NINJ2: variants seen among roughly 807,000 people sequenced by gnomAD.
The protein encoded by NINJ2 is ninjurin 2.
Under a neutral mutation model 11.7 loss-of-function variants are expected in NINJ2, and 12 were observed. The ratio of observed to expected loss-of-function variants is 1.02; its 90% CI spans 0.66 to 1.66. The LOEUF (loss-of-function observed/expected upper bound fraction) is 1.66. Among genes scored for constraint, NINJ2 ranks in the 40% most tolerant of loss-of-function variants. NINJ2 has a pLI of 0.00. For missense variants in NINJ2, 187 were observed against 181.8 expected (o/e 1.03, Z -0.16); for synonymous variants, 93 against 76.8 (o/e 1.21, Z -1.10).
At chr12:648,612 C>G (rs1055355935) in intron 1 of NINJ2, among the ~76,000 whole-genome samples, 2 of 152,182 alleles carry the variant, frequency 1.3e-5, no homozygotes, top group East Asian at 3.8e-4. Flanking sequence ...CAGGAAAGGC[C>G]TGGACAAGGA....
At chr12:603,264 ATTAT>A (rs982669874) in intron 1 of NINJ2, among the ~76,000 whole-genome samples, 20 of 151,016 alleles carry the variant, frequency 1.3e-4, no homozygotes, top group Admixed American at 7.2e-4. Context: ...CTAAAATTTG[ATTAT>A]TTGTCTTTTT....
chr12:643,341 T>G, intron 1 of NINJ2: 3 of 684,466 alleles, frequency 4.4e-6, no homozygotes, highest in Non-Finnish European at 3.6e-6. Flanking sequence ...CCGCGCCGGG[T>G]GGGGAGGGGA....
Position 656,496 on chromosome 12 carries a change from A to ACCCTACC in NINJ2, c.33+6831_33+6832insGGTAGGG, listed in dbSNP as rs577294205. 3.3e-3 allele frequency among the ~76,000 whole-genome samples: 496 copies of ACCCTACC among 152,236 alleles called. 16 individuals are homozygous for ACCCTACC. Among genetic ancestry groups the ACCCTACC allele is most frequent in the East Asian group, 0.032 (165 of 5,178 alleles). ...CCAGGCATGGTGGCTCACACCTGTA[A>ACCCTACC]TCCCAGCACTTTGGGAGGTAGGGTC... On this transcript the variant is annotated intron_variant, in intron 1 of 3. Transcript: ENST00000305108.
intron 1 of NINJ2, among the ~76,000 whole-genome samples, chr12:630,146 C>T (rs1308942239): frequency 6.6e-6 from 1 of 151,560 alleles, no homozygotes; most frequent in Non-Finnish European, 1.5e-5. Flanking sequence ...TTTACCAAAC[C>T]GCTCTTAGGT....
At chr12:627,212 T>G (rs77311665) in intron 1 of NINJ2, among the ~76,000 whole-genome samples, 1 of 152,168 alleles carries the variant, frequency 6.6e-6, no homozygotes, top group East Asian at 1.9e-4. Flanking sequence ...AAGCAATATA[T>G]GGCAATAAGG....
At chr12:589,251 T>A (rs531473242) in intron 1 of NINJ2, among the ~76,000 whole-genome samples, 3 of 152,074 alleles carry the variant, frequency 2.0e-5, no homozygotes, top group Admixed American at 2.0e-4. Flanking sequence ...TAAAAAACAA[T>A]GGACAAAATG....
At chr12:644,113 A>G (rs971654089) in intron 1 of NINJ2, 3 of 154,890 alleles carry the variant, frequency 1.9e-5, no homozygotes, top group Middle Eastern at 5.1e-4. Context: ...GTAAGGCAAG[A>G]AGGAAAACCG....
At chr12:611,247 C>G (rs1350942501) in intron 1 of NINJ2, among the ~76,000 whole-genome samples, 2 of 102,718 alleles carry the variant, frequency 1.9e-5, no homozygotes, top group Non-Finnish European at 4.2e-5. Flanking sequence ...TTCTTTCTTT[C>G]TCTCTCTCTC....
At chr12:601,280 C>T (rs1183486613) in intron 1 of NINJ2, among the ~76,000 whole-genome samples, 6 of 152,222 alleles carry the variant, frequency 3.9e-5, no homozygotes, top group Non-Finnish European at 7.3e-5. Flanking sequence ...GGCGCAGTGG[C>T]TCACGCCTGT....
chr12:630,939 TA>T (rs1948273920), intron 1 of NINJ2: 1 of 152,158 alleles, frequency 6.6e-6, no homozygotes, highest in African/African-American at 2.4e-5. Flanking sequence ...AAGTACGTGC[TA>T]GGATCAAGGG....
At position 634,143 on chromosome 12, in the gene NINJ2, C is replaced by T. The variant is rs565573196; in HGVS notation, c.33+29185G>A. Among the ~76,000 whole-genome samples the T allele has an allele frequency of 3.3e-5, 5 of 152,146 alleles. No homozygotes were observed. The South Asian group carries it at 6.2e-4, about 19-fold the overall frequency. On this transcript the variant is annotated intron_variant, in intron 1 of 3. Coordinates refer to ENST00000305108, the MANE Select transcript of NINJ2 (RefSeq NM_016533.6). ...CCTTCTCCAAGTAATTACCAAGTCA[C>T]GCCTTGATATATATACCTCCCCCAA...
intron 1 of NINJ2, among the ~76,000 whole-genome samples, chr12:649,258 A>G (rs986088817): frequency 2.6e-5 from 4 of 151,652 alleles, no homozygotes; most frequent in African/African-American, 4.8e-5. Context: ...TGTTGGCCAG[A>G]CTGGTCTCAA....
chr12:600,650 TGG>T (rs979689256), intron 1 of NINJ2, among the ~76,000 whole-genome samples: 11 of 128,238 alleles, frequency 8.6e-5, no homozygotes, highest in South Asian at 5.4e-4. Flanking sequence ...AGAATTTTTT[TGG>T]GGTGTGTGTG....
intron 1 of NINJ2, among the ~76,000 whole-genome samples, chr12:606,905 G>A (rs147136812): frequency 6.6e-6 from 1 of 152,272 alleles, no homozygotes; most frequent in East Asian, 1.9e-4. Flanking sequence ...GAGAGAGGAC[G>A]ACGCTTTGAA....
At chr12:572,206 G>A (rs188451469) in intron 1 of NINJ2, among the ~76,000 whole-genome samples, 20 of 152,330 alleles carry the variant, frequency 1.3e-4, no homozygotes, top group Non-Finnish European at 2.5e-4. Flanking sequence ...AGAATCCCGG[G>A]GGCTGAGGAC....
chr12:663,018 G>A (rs1007327081), intron 1 of NINJ2, among the ~76,000 whole-genome samples: 1 of 152,204 alleles, frequency 6.6e-6, no homozygotes, highest in Non-Finnish European at 1.5e-5. Context: ...GGAAAGCACT[G>A]CTCAGAATGT....
chr12:656,362 AAAAAT>A (rs146052060), intron 1 of NINJ2, among the ~76,000 whole-genome samples: 28,015 of 151,082 alleles, frequency 0.19, 2,801 homozygotes, highest in South Asian at 0.27. Context: ...GACTCTGTCT[AAAAAT>A]AAAATAAAAT....
chr12:597,786 G>A (rs998112575), intron 1 of NINJ2, among the ~76,000 whole-genome samples: 3 of 152,230 alleles, frequency 2.0e-5, no homozygotes, highest in East Asian at 1.9e-4. Flanking sequence ...AAGAAGTGTC[G>A]CAGGAGCCTG....
chr12:653,014 G>T (rs1188447622), intron 1 of NINJ2, among the ~76,000 whole-genome samples: 50 of 116,616 alleles, frequency 4.3e-4, no homozygotes, highest in East Asian at 1.3e-3. Context: ...GTAATATTTT[G>T]TTTCTTTTTT....
Sources: allele counts gnomAD v4.1 joint callset (sites outside exome capture counted in the v4.1 genomes callset), GRCh38; gene constraint gnomAD v4.1.1; transcripts MANE v1.5; gene names NCBI Gene and HGNC (gene_info 2026-07-23, HGNC 2026-07-21).